Variants in PAFAH1B1 observed in about 807,000 individuals in gnomAD.
PAFAH1B1 encodes the protein platelet activating factor acetylhydrolase 1b regulatory subunit 1.
A neutral mutation model predicts 57.5 loss-of-function variants in PAFAH1B1; 2 were observed. The observed-to-expected ratio is 0.03, with a 90% CI of 0.01 to 0.11. The LOEUF is 0.11. Among genes scored for constraint, PAFAH1B1 ranks in the 10% least tolerant of loss-of-function variants. The probability of loss-of-function intolerance (pLI) is 1.00; values close to 1 mark genes in which losing one functional copy is unlikely to be tolerated. For missense variants in PAFAH1B1, 257 were observed against 512.0 expected, an observed-to-expected ratio of 0.50 and a Z score of 4.81; for synonymous variants, 152 against 169.6, an observed-to-expected ratio of 0.90 and a Z score of 0.81.
chr17:2,637,643 T>C (rs2068641363), intron 1 of PAFAH1B1, among the ~76,000 whole-genome samples: 1 of 152,186 alleles, frequency 6.6e-6, no homozygotes, highest in African/African-American at 2.4e-5. Context: ...ATTCTAAGGT[T>C]ATTGGTGACT....
At position 2,680,160 on chromosome 17, in the gene PAFAH1B1, T is replaced by C; in HGVS notation, c.1003-4T>C. ...CTGAGTCAAATAACTTTTTTGTTTT[T>C]AAGGTGGGTCATGATAACTGGGTAC... On this transcript the variant is annotated splice_polypyrimidine_tract_variant and splice_region_variant and intron_variant, in intron 9 of 10. Transcript: ENST00000397195. The C allele has an allele frequency of 6.2e-7, 1 of 1,613,856 alleles. No individual in the cohort carries two copies. The highest frequency in any genetic ancestry group is 8.5e-7 in the Non-Finnish European group (1 of 1,179,932).
chr17:2,676,377 GAA>G, intron 8 of PAFAH1B1, 126 bp from the exon 9 acceptor site: 1 of 689,162 alleles, frequency 1.5e-6, no homozygotes, highest in Non-Finnish European at 2.6e-6. Context: ...GACTCCGTCT[GAA>G]AACAAACAAA....
intron 2 of PAFAH1B1, chr17:2,659,505 G>A: frequency 6.5e-6 from 1 of 153,914 alleles, no homozygotes; most frequent in Non-Finnish European, 1.4e-5. Flanking sequence ...TGGCGACAGA[G>A]TGAGACTGCC....
At chr17:2,657,278 G>A (rs1186160461) in intron 2 of PAFAH1B1, among the ~76,000 whole-genome samples, 2 of 152,076 alleles carry the variant, frequency 1.3e-5, no homozygotes, top group African/African-American at 4.8e-5. Context: ...GAGTCTCACT[G>A]TGTCACCCAG....
intron 1 of PAFAH1B1, among the ~76,000 whole-genome samples, chr17:2,594,610 C>T (rs1000924758): frequency 6.6e-6 from 1 of 152,192 alleles, no homozygotes. Context: ...CCCTGGCCCC[C>T]GGTGCGGCGG....
At chr17:2,628,735 G>C (rs1275665679) in intron 1 of PAFAH1B1, among the ~76,000 whole-genome samples, 1 of 151,890 alleles carries the variant, frequency 6.6e-6, no homozygotes, top group African/African-American at 2.4e-5. Context: ...TTTTTTGTTG[G>C]TAATTTCTTA....
Position 2,681,398 on chromosome 17 carries a change from A to C in PAFAH1B1, c.1160-331A>C, listed in dbSNP as rs2069383042. 7 of 222,442 alleles carry C rather than the reference A, an allele frequency of 3.1e-5. No homozygotes were observed. The South Asian group carries it at 5.7e-4, about 18-fold the overall frequency. 13.8% of individuals were successfully genotyped at this position (222,442 alleles called of 1,614,324 possible). Reference sequence around the variant, plus strand: ...TTGGGTTATGGTATATTAGAGAAACACGAAAACTACTGGCATTTGGACTTT... The same window carrying C: ...TTGGGTTATGGTATATTAGAGAAACCCGAAAACTACTGGCATTTGGACTTT... On this transcript the variant is annotated intron_variant, in intron 10 of 10. Transcript: ENST00000397195.
intron 8 of PAFAH1B1, among the ~76,000 whole-genome samples, chr17:2,675,169 A>AT (rs1298856709): frequency 3.3e-5 from 5 of 151,932 alleles, no homozygotes; most frequent in African/African-American, 1.2e-4. Flanking sequence ...CTGCCAGCTA[A>AT]TTTTTATATT....
intron 1 of PAFAH1B1, among the ~76,000 whole-genome samples, chr17:2,605,315 G>A (rs2068192472): frequency 6.6e-6 from 1 of 152,188 alleles, no homozygotes; most frequent in Non-Finnish European, 1.5e-5. Context: ...CAGAGAATAA[G>A]AGGAGGAGTT....
chr17:2,606,916 C>T (rs1330255154), intron 1 of PAFAH1B1, among the ~76,000 whole-genome samples: 1 of 150,668 alleles, frequency 6.6e-6, no homozygotes, highest in Middle Eastern at 3.2e-3. Context: ...CCTCTGCCTC[C>T]CAGGTTCACA....
chr17:2,664,289 C>T (rs1006933800), intron 2 of PAFAH1B1, among the ~76,000 whole-genome samples: 6 of 152,144 alleles, frequency 3.9e-5, no homozygotes, highest in Non-Finnish European at 8.8e-5. Flanking sequence ...GTTGCCTAGG[C>T]TGGAGTGCAG....
intron 1 of PAFAH1B1, among the ~76,000 whole-genome samples, chr17:2,625,977 G>T (rs1051032340): frequency 3.1e-4 from 47 of 151,978 alleles, no homozygotes; most frequent in African/African-American, 1.1e-3. Flanking sequence ...AAAGCCAGGC[G>T]TGGTGGCTCA....
intron 9 of PAFAH1B1, chr17:2,679,630 T>TGGATGGATGGATGGATGGA: frequency 1.6e-5 from 1 of 61,908 alleles, no homozygotes; most frequent in South Asian, 4.4e-4. Flanking sequence ...GATTGGATGA[T>TGGATGGATGGATGGATGGA]TGGATGGATG....
chr17:2,636,064 C>T (rs374837941), intron 1 of PAFAH1B1, among the ~76,000 whole-genome samples: 1 of 151,948 alleles, frequency 6.6e-6, no homozygotes. Context: ...CATGATTATG[C>T]TGCCACTGTA....
intron 6 of PAFAH1B1, among the ~76,000 whole-genome samples, chr17:2,670,964 A>G (rs960375702): frequency 1.3e-5 from 2 of 152,208 alleles, no homozygotes; most frequent in African/African-American, 4.8e-5. Flanking sequence ...AAGATAAATC[A>G]TCTTGGTGTA....
intron 1 of PAFAH1B1, among the ~76,000 whole-genome samples, chr17:2,597,622 G>A (rs1374381374): frequency 1.3e-5 from 2 of 151,406 alleles, no homozygotes; most frequent in African/African-American, 4.9e-5. Context: ...TGTTGGTCAG[G>A]TTGGTCTGGA....
At chr17:2,665,602 T>G (rs1722239312) in intron 3 of PAFAH1B1, 146 bp downstream of exon 3, 1 of 574,406 alleles carries the variant, frequency 1.7e-6, no homozygotes, top group African/African-American at 1.9e-5. Flanking sequence ...TTTTTTTTTA[T>G]TTTTTATTTT....
At chr17:2,644,307 C>T (rs528454775) in intron 2 of PAFAH1B1, among the ~76,000 whole-genome samples, 2 of 152,088 alleles carry the variant, frequency 1.3e-5, no homozygotes, top group East Asian at 3.9e-4. Context: ...TTTGGGAGGC[C>T]GAGACGGGTG....
At chr17:2,668,198 C>G (rs1015224647) in intron 5 of PAFAH1B1, among the ~76,000 whole-genome samples, 1 of 151,738 alleles carries the variant, frequency 6.6e-6, no homozygotes, top group Non-Finnish European at 1.5e-5. Flanking sequence ...TGGCAGCGTG[C>G]GCCTGTAGTC....
Sources: gnomAD v4.1 joint callset for allele counts (sites outside exome capture counted in the v4.1 genomes callset) on GRCh38, gnomAD v4.1.1 for gene constraint, MANE v1.5 for transcripts, NCBI Gene and HGNC (gene_info 2026-07-23, HGNC 2026-07-21) for gene names.